Variants in POLR1C observed in about 807,000 individuals in gnomAD.
The protein encoded by POLR1C is RNA polymerase I and III subunit C, also known as DNA-directed RNA polymerases I and III subunit RPAC1.
Under a neutral mutation model 38.3 loss-of-function variants are expected in POLR1C, and 42 were observed. That is an observed-to-expected ratio of 1.10 (90% CI 0.86 to 1.42). The LOEUF (loss-of-function observed/expected upper bound fraction) is 1.42, where lower values mean the gene tolerates loss of function less well. Among genes scored for constraint, POLR1C ranks in the 40% most tolerant of loss-of-function variants. The pLI is 0.00. For missense variants in POLR1C, 507 were observed against 450.5 expected (o/e 1.13, Z -1.14); for synonymous variants, 163 against 163.9 (o/e 0.99, Z 0.04).
exon 11 of POLR1C, chr6:43,562,074 T>G (rs183378524): frequency 2.0e-6 from 1 of 499,924 alleles, no homozygotes; most frequent in Non-Finnish European, 3.5e-6. Context: ...TTTAGATCAC[T>G]CAAACACTAT....
chr6:43,532,277 C>G (rs1331138279), downstream of POLR1C, among the ~76,000 whole-genome samples: 2 of 152,202 alleles, frequency 1.3e-5, no homozygotes, highest in Non-Finnish European at 2.9e-5. Flanking sequence ...ACTATCTAGG[C>G]TGAAACAGAC....
chr6:43,552,114 A>G lies in POLR1C; in HGVS notation c.*48+1103A>G, dbSNP rs945576164. The stretch of plus-strand genomic sequence containing the variant: ...ATATCACTCTTGGTTGCCCAGTGCA[A>G]TGGCACGATCTCAGCTCACTGCAAC... On this transcript the variant is annotated intron_variant, in intron 10 of 10. Coordinates refer to the POLR1C transcript ENST00000607635. 2.6e-5 allele frequency among the ~76,000 whole-genome samples: 4 copies of G among 152,040 alleles called. No individual in the cohort carries two copies. The East Asian group carries it at 7.7e-4, about 29-fold the overall frequency.
downstream of POLR1C, among the ~76,000 whole-genome samples, chr6:43,532,728 C>G (rs898071652): frequency 6.6e-6 from 1 of 152,238 alleles, no homozygotes; most frequent in African/African-American, 2.4e-5. Flanking sequence ...TGGGTTAGGT[C>G]TCCCGATAAA....
At position 43,521,420 on chromosome 6, in the gene POLR1C, T is replaced by G; in HGVS notation, c.*120T>G. On this transcript the variant is annotated 3_prime_UTR_variant, in exon 9 of 9. Coordinates refer to ENST00000642195, the MANE Select transcript of POLR1C (RefSeq NM_203290.4). Reference sequence around the variant, plus strand: ...TGAGTTTTCTGGGACAATTCCAGCTTTAATCAATACATTTTGTTAAATGTG... The same window carrying G: ...TGAGTTTTCTGGGACAATTCCAGCTGTAATCAATACATTTTGTTAAATGTG... The G allele has an allele frequency of 2.5e-6, 4 of 1,581,090 alleles. No individual in the cohort carries two copies. The highest frequency in any genetic ancestry group is 3.4e-6 in the Non-Finnish European group (4 of 1,165,468).
exon 9 of POLR1C, chr6:43,529,393 A>AG (rs1471032569): frequency 2.7e-6 from 1 of 375,402 alleles, no homozygotes; most frequent in Non-Finnish European, 5.0e-6. Context: ...AAAAAAAAAA[A>AG]AAAAAAAAAA....
At chr6:43,558,376 A>ATT in intron 10 of POLR1C, 1 of 811,984 alleles carries the variant, frequency 1.2e-6, no homozygotes, top group Non-Finnish European at 1.9e-6. Context: ...CTAGGGCCTA[A>ATT]TAAGTAGGCT....
intron 9 of POLR1C, chr6:43,550,050 C>T (rs1795153962): frequency 4.6e-6 from 5 of 1,089,796 alleles, no homozygotes; most frequent in Non-Finnish European, 6.8e-6. Flanking sequence ...CCTGCTTTAG[C>T]CTTCTGAGTA....
intron 10 of POLR1C, among the ~76,000 whole-genome samples, chr6:43,557,141 A>ATCAAGTACTGATAAATGTTGT (rs1219810973): frequency 1.4e-5 from 2 of 145,822 alleles, no homozygotes; most frequent in East Asian, 2.0e-4. Context: ...AAAAAAAAAA[A>ATCAAGTACTGATAAATGTTGT]AAAGGCTGGG....
At chr6:43,537,074 C>G (rs570537308) in intron 9 of POLR1C, among the ~76,000 whole-genome samples, 4 of 152,116 alleles carry the variant, frequency 2.6e-5, no homozygotes, top group Admixed American at 2.6e-4. Flanking sequence ...TCAAGTGGCC[C>G]TTCCACCTCA....
At chr6:43,557,577 T>C (rs1428339075) in intron 10 of POLR1C, among the ~76,000 whole-genome samples, 1 of 152,002 alleles carries the variant, frequency 6.6e-6, no homozygotes, top group South Asian at 2.1e-4. Flanking sequence ...GAAAGTAGAT[T>C]ACTGGTTGCC....
downstream of POLR1C, chr6:43,522,263 G>A (rs930226131): frequency 1.2e-4 from 18 of 152,362 alleles, no homozygotes; most frequent in African/African-American, 4.1e-4. Context: ...TTTTAGTCCC[G>A]GGTGCTCATG....
At chr6:43,524,630 G>A (rs377272106), downstream of POLR1C, 5 of 1,613,698 alleles carry the variant, frequency 3.1e-6, no homozygotes, top group African/African-American at 1.3e-5. Flanking sequence ...CCAGGTACCT[G>A]GGGCGCTGAT....
At chr6:43,517,528 T>G in intron 2 of POLR1C, 151 bp downstream of exon 2, 1 of 700,088 alleles carries the variant, frequency 1.4e-6, no homozygotes, top group Admixed American at 2.2e-5. Flanking sequence ...ACAGGCCAAA[T>G]TAGACACGGT....
chr6:43,526,764 G>A, intron 8 of POLR1C: 2 of 1,612,564 alleles, frequency 1.2e-6, no homozygotes, highest in South Asian at 1.1e-5. Context: ...CAAGAAAGCA[G>A]GGTTACTAGG....
chr6:43,542,116 C>G (rs988747587), intron 9 of POLR1C, among the ~76,000 whole-genome samples: 1 of 152,010 alleles, frequency 6.6e-6, no homozygotes, highest in Non-Finnish European at 1.5e-5. Flanking sequence ...TTTATACTTA[C>G]AGTTCATCTC....
downstream of POLR1C, chr6:43,525,796 A>C: frequency 6.3e-7 from 1 of 1,598,186 alleles, no homozygotes. Context: ...GTGACTCCCC[A>C]CCTGGGCAAG....
chr6:43,559,893 G>C (rs1036641441), intron 10 of POLR1C, among the ~76,000 whole-genome samples: 1 of 151,940 alleles, frequency 6.6e-6, no homozygotes, highest in African/African-American at 2.4e-5. Context: ...TCAGCTCAAT[G>C]CAGCTTCAAC....
At position 43,546,738 on chromosome 6, in the gene POLR1C, T is replaced by C. The variant is rs1419405122; in HGVS notation, c.*5-4230T>C. 1 of 1,593,496 alleles carries C rather than the reference T, an allele frequency of 6.3e-7. No individual in the cohort carries two copies. Among genetic ancestry groups the C allele is most frequent in the Middle Eastern group, 1.7e-4 (1 of 6,018 alleles). ...GTTTCACCACACCCAGAATGCTGTA[T>C]ACACAAAAGCTCATCTATAGAAAAA... On this transcript the variant is annotated intron_variant, in intron 9 of 10. Coordinates refer to the POLR1C transcript ENST00000607635.
At chr6:43,556,052 G>A (rs1470001406) in intron 10 of POLR1C, 9 of 1,528,344 alleles carry the variant, frequency 5.9e-6, no homozygotes, top group African/African-American at 4.2e-5. Flanking sequence ...CCACCCTAGG[G>A]GAAAAGCATT....
Sources: gnomAD v4.1 joint callset for allele counts (sites outside exome capture counted in the v4.1 genomes callset) on GRCh38, gnomAD v4.1.1 for gene constraint, MANE v1.5 for transcripts, NCBI Gene and HGNC (gene_info 2026-07-23, HGNC 2026-07-21) for gene names.